Variants in KLHL4 observed in about 807,000 individuals in gnomAD.
The protein encoded by KLHL4 is kelch-like protein 4.
KLHL4 carries 17 observed loss-of-function variants against 45.8 expected under a neutral mutation model. The observed-to-expected ratio is 0.37, with a 90% CI of 0.25 to 0.56. The LOEUF is 0.56. Ranked by LOEUF, KLHL4 falls within the 20% of genes least tolerant of loss-of-function variation. The pLI is 0.79. For missense variants in KLHL4, 544 were observed against 544.9 expected (o/e 1.00, Z 0.02); for synonymous variants, 224 against 189.9 (o/e 1.18, Z -1.47).
chrX:87,601,765 A>G (rs938147604), intron 1 of KLHL4, among the ~76,000 whole-genome samples: 4 of 111,557 alleles, frequency 3.6e-5, no homozygotes, highest in African/African-American at 1.3e-4. Context: ...AATATCCTAA[A>G]TATTAAAAAC....
chrX:87,613,642 T>C (rs1187885495), intron 1 of KLHL4, among the ~76,000 whole-genome samples: 1 of 111,755 alleles, frequency 8.9e-6, no homozygotes, highest in African/African-American at 3.2e-5. Flanking sequence ...TCTGGTTACA[T>C]TTCAGATATA....
chrX:87,596,628 T>C (rs984779227), intron 1 of KLHL4, among the ~76,000 whole-genome samples: 2 of 111,949 alleles, frequency 1.8e-5, no homozygotes, highest in Non-Finnish European at 3.8e-5. Flanking sequence ...TTGCAGGGGG[T>C]AGCTGACCTC....
intron 1 of KLHL4, among the ~76,000 whole-genome samples, chrX:87,595,835 C>G (rs760983467): frequency 1.8e-5 from 2 of 111,246 alleles, no homozygotes; most frequent in South Asian, 7.5e-4. Context: ...GCTAATAATA[C>G]TAAATATAAA....
At position 87,668,232 on chromosome X, in the gene KLHL4, C is replaced by T; in HGVS notation, c.*1698C>T. 1 of 753,068 alleles carries T rather than the reference C, an allele frequency of 1.3e-6. No individual in the cohort carries two copies. Among genetic ancestry groups the T allele is most frequent in the Non-Finnish European group, 1.6e-6 (1 of 638,288 alleles). The allele number at this position is 753,068 out of a possible 1,213,427, so 62.1% of individuals were successfully genotyped here. ...TACCTAAACCTTTATCGCCAATGCA[C>T]AGCTTGGCCTGTTAAGTTAAATGTG... is the stretch of plus-strand genomic sequence containing the variant. On this transcript the variant is annotated 3_prime_UTR_variant, in exon 11 of 11. Coordinates refer to ENST00000373119, the MANE Select transcript of KLHL4 (RefSeq NM_019117.5).
At chrX:87,641,496 T>G (rs1923457893) in intron 9 of KLHL4, among the ~76,000 whole-genome samples, 1 of 111,678 alleles carries the variant, frequency 9.0e-6, no homozygotes, top group Admixed American at 9.5e-5. Context: ...GGAGGAAATC[T>G]TTAGCTGAAC....
chrX:87,620,242 A>G (rs1922706325), intron 4 of KLHL4, among the ~76,000 whole-genome samples: 1 of 112,209 alleles, frequency 8.9e-6, no homozygotes, highest in Admixed American at 9.5e-5. Context: ...GCACAAAAGA[A>G]GACTCCCTTG....
At position 87,518,136 on chromosome X, in the gene KLHL4, C is replaced by T; in HGVS notation, c.243C>T (p.Ala81=). The change falls in exon 1 of 11, where the codon GCC becomes GCT. Residue 81 remains alanine (A), a synonymous_variant. Transcript: ENST00000373119. ...HNILAPVPGP[A]PAHQRAVQNL... ...TACTGGCACCAGTGCCAGGACCGGC[C>T]CCTGCCCATCAGAGAGCCGTTCAGA... 1 of 1,211,779 alleles carries T rather than the reference C, an allele frequency of 8.3e-7. No individual in the cohort carries two copies. Among genetic ancestry groups the T allele is most frequent in the Non-Finnish European group, 1.1e-6 (1 of 895,482 alleles).
rs1922482471 is a variant in KLHL4 at position 87,614,334 on chromosome X, A to G, written c.591-100A>G. The G allele has an allele frequency of 4.9e-6, 4 of 811,245 alleles. No homozygotes were observed. In the Admixed American group the frequency reaches 1.1e-4, roughly 21 times the overall value. The allele number at this position is 811,245 out of a possible 1,213,427, so 66.9% of individuals were successfully genotyped here. On this transcript the variant is annotated intron_variant, in intron 2 of 10. Transcript: ENST00000373119. ...CTGAATTATAAAGATTTTATGGAGA[A>G]AACAGACTCACTAGTGTTACAAACT...
chrX:87,596,574 A>G (rs759540680), intron 1 of KLHL4, among the ~76,000 whole-genome samples: 62 of 112,246 alleles, frequency 5.5e-4, no homozygotes, highest in African/African-American at 1.9e-3. Flanking sequence ...AATAAAATAC[A>G]TAAGTCTATC....
chrX:87,558,883 A>C (rs1932036991), intron 1 of KLHL4, among the ~76,000 whole-genome samples: 2 of 112,031 alleles, frequency 1.8e-5, no homozygotes, highest in Admixed American at 9.5e-5. Context: ...TCTTATTTGG[A>C]TTGTGGTAAA....
intron 10 of KLHL4, among the ~76,000 whole-genome samples, chrX:87,665,830 AG>A (rs1425405147): frequency 9.0e-6 from 1 of 111,329 alleles, no homozygotes; most frequent in East Asian, 2.8e-4. Context: ...GCTGATAATG[AG>A]ATTTTAATCT....
At chrX:87,590,639 T>C (rs764758572) in intron 1 of KLHL4, among the ~76,000 whole-genome samples, 1 of 111,583 alleles carries the variant, frequency 9.0e-6, no homozygotes, top group Non-Finnish European at 1.9e-5. Flanking sequence ...CATAAAAGCA[T>C]ATATATAAAC....
At chrX:87,630,958 T>C (rs1191268607) in intron 6 of KLHL4, among the ~76,000 whole-genome samples, 1 of 111,206 alleles carries the variant, frequency 9.0e-6, no homozygotes, top group Non-Finnish European at 1.9e-5. Flanking sequence ...AGAATAGCTC[T>C]CCGCTACAGA....
At chrX:87,524,995 G>A (rs761575587) in intron 1 of KLHL4, among the ~76,000 whole-genome samples, 155 of 111,748 alleles carry the variant, frequency 1.4e-3, no homozygotes, top group Non-Finnish European at 2.2e-3. Flanking sequence ...ACTAGTTAAC[G>A]TAATACTGAG....
intron 9 of KLHL4, among the ~76,000 whole-genome samples, chrX:87,664,507 G>A (rs1924299939): frequency 9.0e-6 from 1 of 111,709 alleles, no homozygotes; most frequent in East Asian, 2.8e-4. Context: ...TTTCCTCAAA[G>A]TTTATCTGAG....
intron 1 of KLHL4, among the ~76,000 whole-genome samples, chrX:87,556,805 C>A (rs889298456): frequency 3.6e-5 from 4 of 111,558 alleles, no homozygotes; most frequent in Non-Finnish European, 7.5e-5. Flanking sequence ...AGTAAGTTTT[C>A]TCTTTTCCTA....
chrX:87,641,140 G>A (rs113729735), intron 9 of KLHL4, among the ~76,000 whole-genome samples: 6,216 of 111,495 alleles, frequency 0.056, 432 homozygotes, highest in African/African-American at 0.19. Context: ...GAACAAACCA[G>A]CAATCCTGAG....
rs1170870765 is a variant in KLHL4 at position 87,669,458 on chromosome X, C to T, written c.*2924C>T. On this transcript the variant is annotated 3_prime_UTR_variant, in exon 11 of 11. Transcript: ENST00000373119. ...ATCTGACTCAGGTGTGGCTGTTGCC[C>T]CTTTTTGATATGGAGGGAACACTGA... 2 of 1,175,997 alleles carry T rather than the reference C, an allele frequency of 1.7e-6. No individual in the cohort carries two copies. The highest frequency in any genetic ancestry group is 2.3e-6 in the Non-Finnish European group (2 of 874,494).
intron 1 of KLHL4, among the ~76,000 whole-genome samples, chrX:87,542,831 G>T (rs4382619): frequency 9.0e-6 from 1 of 110,695 alleles, no homozygotes; most frequent in African/African-American, 3.3e-5. Flanking sequence ...AGGCATGACT[G>T]GTTTTGAAAT....
Sources: gnomAD v4.1 joint callset for allele counts (sites outside exome capture counted in the v4.1 genomes callset) on GRCh38, gnomAD v4.1.1 for gene constraint, MANE v1.5 for transcripts, NCBI Gene and HGNC (gene_info 2026-07-23, HGNC 2026-07-21) for gene names.